The following LHPP variants were observed in gnomAD, a reference collection of about 807,000 sequenced individuals.
LHPP encodes phospholysine phosphohistidine inorganic pyrophosphate phosphatase.
Under a neutral mutation model 30.3 loss-of-function variants are expected in LHPP, and 24 were observed. The observed-to-expected ratio is 0.79, with a 90% CI of 0.57 to 1.11. The LOEUF is 1.11. Ranked by LOEUF, LHPP falls within the 50% of genes most tolerant of loss-of-function variation. The pLI is 0.00. For synonymous variants in LHPP, 150 were observed against 157.1 expected (o/e 0.95, Z 0.34); for missense variants, 356 against 367.2 (o/e 0.97, Z 0.25).
At chr10:124,486,912 C>T (rs985398786) in intron 2 of LHPP, among the ~76,000 whole-genome samples, 16 of 152,262 alleles carry the variant, frequency 1.1e-4, no homozygotes, top group Non-Finnish European at 2.2e-4. Flanking sequence ...TCCCAGGAGC[C>T]AGTCCTGAAG....
chr10:124,543,925 A>C (rs1955267534), intron 6 of LHPP, among the ~76,000 whole-genome samples: 1 of 152,264 alleles, frequency 6.6e-6, no homozygotes, highest in African/African-American at 2.4e-5. Context: ...AACAAACAAA[A>C]AATGCATACT....
Position 124,596,528 on chromosome 10 carries a change from C to T in LHPP, c.717-16736C>T, listed in dbSNP as rs551183682. 5.3e-5 allele frequency among the ~76,000 whole-genome samples: 8 copies of T among 152,258 alleles called. No homozygotes were observed. In the South Asian group the frequency reaches 1.0e-3, roughly 20 times the overall value. On this transcript the variant is annotated intron_variant, in intron 6 of 6. Transcript: ENST00000368842. This position sits in a 1 kb window ranked among gnomAD's most constrained non-coding sequence, Gnocchi z 4.6. ...GTGGAACACACACAGAGTGGGCCGG[C>T]GCTCATAAGCAGTCCCGTGTGAATC...
chr10:124,524,208 C>T (rs1283191198), intron 6 of LHPP, among the ~76,000 whole-genome samples: 1 of 152,070 alleles, frequency 6.6e-6, no homozygotes, highest in Non-Finnish European at 1.5e-5. Context: ...CAAAGACCCC[C>T]CACATTCCAC....
chr10:124,560,167 G>A (rs1948371331), intron 6 of LHPP, among the ~76,000 whole-genome samples: 1 of 152,298 alleles, frequency 6.6e-6, no homozygotes, highest in South Asian at 2.1e-4. Flanking sequence ...TATGGAGAGA[G>A]GACTCTTTCT....
intron 6 of LHPP, among the ~76,000 whole-genome samples, chr10:124,570,024 C>T (rs918887459): frequency 6.7e-6 from 1 of 148,304 alleles, no homozygotes; most frequent in Non-Finnish European, 1.5e-5. Context: ...GCCACTTCCT[C>T]TTTTGCCCAC....
chr10:124,493,430 C>CA (rs1161595155), intron 3 of LHPP, among the ~76,000 whole-genome samples: 1 of 152,310 alleles, frequency 6.6e-6, no homozygotes, highest in South Asian at 2.1e-4. Flanking sequence ...GAGGCAGGAG[C>CA]AGCGGGTGGA....
rs908564536 is a variant in LHPP, at chr10:124,596,135, C to T, written c.717-17129C>T. Reference sequence around the variant, plus strand: ...GATGTTTCATCACGAGGCTGGACCACGATGTGTTTATCATGTCACTGTTGC... The same window carrying T: ...GATGTTTCATCACGAGGCTGGACCATGATGTGTTTATCATGTCACTGTTGC... On this transcript the variant is annotated intron_variant, in intron 6 of 6. Transcript: ENST00000368842. This position sits in a 1 kb window ranked among gnomAD's most constrained non-coding sequence, Gnocchi z 4.6. Among the ~76,000 whole-genome samples the T allele has an allele frequency of 4.6e-5, 7 of 152,132 alleles. No individual in the cohort carries two copies. Among genetic ancestry groups the T allele is most frequent in the African/African-American group, 7.2e-5 (3 of 41,412 alleles).
chr10:124,557,497 T>C (rs1349128895), intron 6 of LHPP, among the ~76,000 whole-genome samples: 1 of 152,228 alleles, frequency 6.6e-6, no homozygotes, highest in East Asian at 1.9e-4. Flanking sequence ...AGTCACCGTA[T>C]AGCTTTATTT....
chr10:124,568,420 C>T (rs1948528174), intron 6 of LHPP, among the ~76,000 whole-genome samples: 1 of 152,190 alleles, frequency 6.6e-6, no homozygotes, highest in Non-Finnish European at 1.5e-5. Flanking sequence ...CCTCTGCCCC[C>T]GGGACAGTTT....
intron 1 of LHPP, among the ~76,000 whole-genome samples, chr10:124,463,303 G>A (rs1222903512): frequency 2.6e-5 from 4 of 151,728 alleles, no homozygotes; most frequent in African/African-American, 7.3e-5. Flanking sequence ...CTGTTGGACT[G>A]CATTGGTTTA....
Position 124,596,155 on chromosome 10 carries a change from T to C in LHPP, c.717-17109T>C, listed in dbSNP as rs763442286. On this transcript the variant is annotated intron_variant, in intron 6 of 6. Transcript: ENST00000368842. This position sits in a 1 kb window ranked among gnomAD's most constrained non-coding sequence, Gnocchi z 4.6. ...GACCACGATGTGTTTATCATGTCAC[T>C]GTTGCTGTCACATGGGCTGTTTCTG... 6.6e-6 allele frequency among the ~76,000 whole-genome samples: 1 copy of C among 152,158 alleles called. No homozygotes were observed. Among genetic ancestry groups the C allele is most frequent in the Non-Finnish European group, 1.5e-5 (1 of 68,036 alleles).
chr10:124,608,197 G>A (rs760965726), intron 6 of LHPP, among the ~76,000 whole-genome samples: 3 of 152,026 alleles, frequency 2.0e-5, no homozygotes, highest in African/African-American at 7.3e-5. Context: ...TGCCTGTGCC[G>A]GGCTTCCTCC....
At chr10:124,568,910 C>T (rs1392422657) in intron 6 of LHPP, among the ~76,000 whole-genome samples, 1 of 151,870 alleles carries the variant, frequency 6.6e-6, no homozygotes, top group Non-Finnish European at 1.5e-5. Context: ...CTAGGTTTGT[C>T]TGTAATGAGC....
intron 6 of LHPP, among the ~76,000 whole-genome samples, chr10:124,563,386 G>T (rs1948435214): frequency 6.8e-6 from 1 of 147,620 alleles, no homozygotes; most frequent in Non-Finnish European, 1.5e-5. Context: ...CAATGACTTG[G>T]ATGGACTCCC....
chr10:124,528,422 G>A (rs897020756), intron 6 of LHPP, among the ~76,000 whole-genome samples: 18 of 151,694 alleles, frequency 1.2e-4, no homozygotes, highest in Non-Finnish European at 2.2e-4. Flanking sequence ...GCAATGGTGC[G>A]ATCTTGGCTC....
At chr10:124,549,305 C>T (rs1015431665) in intron 6 of LHPP, among the ~76,000 whole-genome samples, 3 of 152,042 alleles carry the variant, frequency 2.0e-5, no homozygotes, top group African/African-American at 4.8e-5. Flanking sequence ...TGACGGTGTA[C>T]ACCTGTAGCC....
chr10:124,587,532 A>G (rs1328772141), intron 6 of LHPP, among the ~76,000 whole-genome samples: 2 of 151,314 alleles, frequency 1.3e-5, no homozygotes, highest in African/African-American at 4.8e-5. Flanking sequence ...CCTGAGGTCG[A>G]GAGTTTGAGC....
At position 124,613,707 on chromosome 10, in the gene LHPP, AC is replaced by A. The variant is rs1316582381; in HGVS notation, c.*349del. The A allele has an allele frequency of 5.5e-6, 2 of 361,008 alleles. No homozygotes were observed. The highest frequency in any genetic ancestry group is 1.0e-5 in the Non-Finnish European group (2 of 192,996). The allele number at this position is 361,008 out of a possible 1,614,324, so 22.4% of individuals were successfully genotyped here. On this transcript the variant is annotated 3_prime_UTR_variant, in exon 7 of 7. Coordinates refer to ENST00000368842, the MANE Select transcript of LHPP (RefSeq NM_022126.4). ...TCCCAAATCCCAGAACTCACCACTC[AC>A]CATGGGCCTTTAAATGCAGTAAACT...
rs1342619093 is a variant in LHPP, at chr10:124,488,449, A to G, written c.341A>G (p.Asp114Gly). ...DGVRSEFDQI[D>G]TSNPNCVVIA... ...GTCCGCTCAGAATTTGATCAGATCGACACATCCAACCCAAACTGTGTGGTA... is the reference window on the plus strand; with the variant it reads ...GTCCGCTCAGAATTTGATCAGATCGGCACATCCAACCCAAACTGTGTGGTA... The change falls in exon 3 of 7, where the codon GAC (aspartate) becomes GGC (glycine). Residue 114 changes from aspartate (D) to glycine (G), a missense_variant. By Grantham distance (94) the Asp-to-Gly change is moderately conservative. Transcript: ENST00000368842. The G allele has an allele frequency of 6.2e-7, 1 of 1,614,054 alleles. No individual in the cohort carries two copies. Among genetic ancestry groups the G allele is most frequent in the Admixed American group, 1.7e-5 (1 of 59,990 alleles).
Sources: allele counts gnomAD v4.1 joint callset (sites outside exome capture counted in the v4.1 genomes callset), GRCh38; gene constraint gnomAD v4.1.1; non-coding constraint Gnocchi (gnomAD v3.1); transcripts MANE v1.5; gene names NCBI Gene and HGNC (gene_info 2026-07-23, HGNC 2026-07-21).